CTSS: variants seen among roughly 807,000 people sequenced by gnomAD.
CTSS encodes cathepsin S.
Under a neutral mutation model 39.9 loss-of-function variants are expected in CTSS, and 15 were observed. The ratio of observed to expected loss-of-function variants is 0.38; its 90% CI spans 0.25 to 0.58. The LOEUF (loss-of-function observed/expected upper bound fraction) is 0.58, where lower values mean the gene tolerates loss of function less well. Ranked by LOEUF, CTSS falls within the 20% of genes least tolerant of loss-of-function variation. The pLI is 0.70. For synonymous variants in CTSS, 126 were observed against 138.2 expected (o/e 0.91, Z 0.62); for missense variants, 250 against 398.2 (o/e 0.63, Z 3.17).
chr1:150,739,420 A>T (rs7418501), intron 7 of CTSS, among the ~76,000 whole-genome samples: 58,541 of 151,756 alleles, frequency 0.39, 11,589 homozygotes, highest in South Asian at 0.55. Flanking sequence ...GAATGAAAGC[A>T]AAACAACAGG....
chr1:150,754,270 C>G (rs1004590543), intron 4 of CTSS, among the ~76,000 whole-genome samples: 2 of 144,742 alleles, frequency 1.4e-5, no homozygotes, highest in African/African-American at 5.1e-5. Flanking sequence ...CCCACCACCA[C>G]GCCAGGCTAA....
intron 3 of CTSS, among the ~76,000 whole-genome samples, chr1:150,755,961 T>C (rs760048387): frequency 1.3e-5 from 2 of 152,158 alleles, no homozygotes; most frequent in African/African-American, 2.4e-5. Context: ...ATGCAACTTT[T>C]TTACTTAATA....
At chr1:150,755,351 C>T (rs1185111773) in intron 3 of CTSS, among the ~76,000 whole-genome samples, 4 of 152,140 alleles carry the variant, frequency 2.6e-5, no homozygotes, top group Non-Finnish European at 5.9e-5. Context: ...TGGTACTGTA[C>T]TGAAGGTTGT....
rs587767513 is a variant in CTSS, at chr1:150,758,350, A to C, written c.127-370T>G. Among the ~76,000 whole-genome samples, 78 of 152,070 alleles carry C rather than the reference A, an allele frequency of 5.1e-4. 1 individual carries two copies. The highest frequency in any genetic ancestry group is 1.1e-3 in the Admixed American group (17 of 15,260). On this transcript the variant is annotated intron_variant, in intron 2 of 7. Coordinates refer to ENST00000368985, the MANE Select transcript of CTSS (RefSeq NM_004079.5). ...CAGGTGTGAGCCACTGCACCCGCCC[A>C]AAAATAGCATTTTTGAAGCATTCTA...
chr1:150,760,630 G>A (rs902145300), intron 2 of CTSS, among the ~76,000 whole-genome samples: 5 of 151,986 alleles, frequency 3.3e-5, no homozygotes, highest in Admixed American at 3.3e-4. Flanking sequence ...GCTCATGCCT[G>A]TACTTTGGGA....
chr1:150,757,062 A>T (rs1352846924), intron 3 of CTSS, among the ~76,000 whole-genome samples: 1 of 152,148 alleles, frequency 6.6e-6, no homozygotes, highest in Non-Finnish European at 1.5e-5. Flanking sequence ...GAATATATTT[A>T]AAAACTGCCA....
chr1:150,739,761 G>A (rs776042056), intron 7 of CTSS, among the ~76,000 whole-genome samples: 3 of 152,126 alleles, frequency 2.0e-5, no homozygotes, highest in Non-Finnish European at 2.9e-5. Flanking sequence ...TATGATTTGA[G>A]TGGCCTAGAT....
At chr1:150,746,140 G>A (rs1652891729) in intron 7 of CTSS, among the ~76,000 whole-genome samples, 1 of 151,596 alleles carries the variant, frequency 6.6e-6, no homozygotes, top group Middle Eastern at 3.4e-3. Flanking sequence ...TTTTTCCTGT[G>A]TCCACGAATA....
chr1:150,764,513 C>T (rs956957269), intron 2 of CTSS, 125 bp downstream of exon 2: 46 of 1,301,840 alleles, frequency 3.5e-5, no homozygotes, highest in Non-Finnish European at 2.8e-5. Context: ...GCTAGGATTA[C>T]AGGCGCGAGC....
intron 2 of CTSS, among the ~76,000 whole-genome samples, chr1:150,759,544 A>G (rs587762810): frequency 7.5e-4 from 114 of 152,258 alleles, no homozygotes; most frequent in Middle Eastern, 6.8e-3. Context: ...TATCGCAATG[A>G]CAATATTTTT....
intron 7 of CTSS, among the ~76,000 whole-genome samples, chr1:150,743,618 GTATATTA>G (rs1329990764): frequency 1.2e-3 from 81 of 69,816 alleles, no homozygotes; most frequent in Middle Eastern, 8.8e-3. Flanking sequence ...TATTATATAT[GTATATTA>G]TGTATACATA....
chr1:150,748,268 A>C (rs1160989369), intron 6 of CTSS: 1 of 156,128 alleles, frequency 6.4e-6, no homozygotes, highest in African/African-American at 2.4e-5. Context: ...CCAGCCTGGC[A>C]ACAGAGCAAG....
In CTSS at chr1:150,732,889, G is replaced by A. The variant is rs181875038; in HGVS notation, c.*157C>T. The A allele has an allele frequency of 7.4e-5, 39 of 530,362 alleles. No individual in the cohort carries two copies. The East Asian group carries it at 1.0e-3, about 14-fold the overall frequency. 32.9% of individuals were successfully genotyped at this position (530,362 alleles called of 1,614,324 possible). A position where few individuals can be genotyped will look rare whatever the true frequency, so the allele number is the denominator to read the frequency against. ...CCTCCCAAGTACTGGGATTACAGGC[G>A]TGAGCCACCGTGCCCGGCCTCAAAC... On this transcript the variant is annotated 3_prime_UTR_variant, in exon 8 of 8. Coordinates refer to ENST00000368985, the MANE Select transcript of CTSS (RefSeq NM_004079.5).
chr1:150,749,027 C>G (rs1200295873), intron 6 of CTSS, among the ~76,000 whole-genome samples: 4 of 152,146 alleles, frequency 2.6e-5, no homozygotes, highest in South Asian at 4.1e-4. Context: ...TCTGACTGAT[C>G]CACGGACTGG....
At position 150,732,615 on chromosome 1, in the gene CTSS, T is replaced by C. The variant is rs587611707; in HGVS notation, c.*431A>G. Reference sequence around the variant, plus strand: ...TGAAGAATCAAACTATATTTTCTTTTCTGTTTTTTTGAAACAGAGTCTCCA... The same window carrying C: ...TGAAGAATCAAACTATATTTTCTTTCCTGTTTTTTTGAAACAGAGTCTCCA... On this transcript the variant is annotated 3_prime_UTR_variant, in exon 8 of 8. Transcript: ENST00000368985. The C allele has an allele frequency of 6.5e-6, 1 of 153,150 alleles. No individual in the cohort carries two copies. Among genetic ancestry groups the C allele is most frequent in the South Asian group, 2.0e-4 (1 of 4,890 alleles). 9.5% of individuals were successfully genotyped at this position (153,150 alleles called of 1,614,324 possible). A position where few individuals can be genotyped will look rare whatever the true frequency, so the allele number is the denominator to read the frequency against.
In CTSS at chr1:150,732,915, T is replaced by C; in HGVS notation, c.*131A>G. ...TGAGCCACCGTGCCCGGCCTCAAAC[T>C]ATATTTTCTAATTAGTACAGTAAAT... On this transcript the variant is annotated 3_prime_UTR_variant, in exon 8 of 8. Transcript: ENST00000368985. 1.5e-6 allele frequency: 1 copy of C among 685,832 alleles called. No homozygotes were observed. Among genetic ancestry groups the C allele is most frequent in the Non-Finnish European group, 2.4e-6 (1 of 423,930 alleles). The allele number at this position is 685,832 out of a possible 1,614,324, so 42.5% of individuals were successfully genotyped here.
chr1:150,736,662 T>C (rs1652641372), intron 7 of CTSS, among the ~76,000 whole-genome samples: 1 of 152,166 alleles, frequency 6.6e-6, no homozygotes. Context: ...ATCTAAACAA[T>C]TTACTTTTCT....
chr1:150,746,465 C>T (rs587695684), intron 7 of CTSS, among the ~76,000 whole-genome samples: 17 of 152,260 alleles, frequency 1.1e-4, no homozygotes, highest in African/African-American at 4.1e-4. Context: ...GAAGACCAGA[C>T]ATAATCTCTC....
chr1:150,743,400 A>G (rs1302421109), intron 7 of CTSS, among the ~76,000 whole-genome samples: 1 of 150,682 alleles, frequency 6.6e-6, no homozygotes, highest in Non-Finnish European at 1.5e-5. Context: ...ATGTATCATT[A>G]TACCACGATG....
Sources: gnomAD v4.1 joint callset for allele counts (sites outside exome capture counted in the v4.1 genomes callset) on GRCh38, gnomAD v4.1.1 for gene constraint, MANE v1.5 for transcripts, NCBI Gene and HGNC (gene_info 2026-07-23, HGNC 2026-07-21) for gene names.